The following E2F3 variants were observed in gnomAD, a reference collection of about 807,000 sequenced individuals.
The protein encoded by E2F3 is transcription factor E2F3.
A neutral mutation model predicts 44.4 loss-of-function variants in E2F3; 11 were observed. That is an observed-to-expected ratio of 0.25 (90% confidence interval 0.16 to 0.41). E2F3 has a LOEUF of 0.41. E2F3 is among the 10% of genes least tolerant of loss of function. The pLI, the probability that E2F3 is intolerant of heterozygous loss-of-function variation, is 1.00. For synonymous variants in E2F3, 249 were observed against 253.0 expected (o/e 0.98, Z 0.15); for missense variants, 487 against 583.6 (o/e 0.83, Z 1.70).
intron 1 of E2F3, among the ~76,000 whole-genome samples, chr6:20,436,025 G>T (rs1384122462): frequency 6.7e-6 from 1 of 148,722 alleles, no homozygotes; most frequent in African/African-American, 2.5e-5. Flanking sequence ...CTGTTGCCCA[G>T]GCTGGAGTGC....
rs779389567 is a variant in E2F3 at position 20,490,376 on chromosome 6, C to T, written c.1344C>T (p.Phe448=). The T allele has an allele frequency of 5.6e-6, 9 of 1,607,164 alleles. No homozygotes were observed. Among genetic ancestry groups the T allele is most frequent in the African/African-American group, 5.4e-5 (4 of 74,698 alleles). ...LGEEEGISDL[F]DAYDLEKLPL... The stretch of plus-strand genomic sequence containing the variant: ...AGGAGGAAGGCATCAGCGATCTCTT[C>T]GATGCTTACGATTTGGAAAAGCTCC... Residue 448 remains phenylalanine, a synonymous_variant, in exon 7 of 7, where the codon TTC becomes TTT. Coordinates refer to ENST00000346618, the MANE Select transcript of E2F3 (RefSeq NM_001949.5). The surrounding 1 kb of genome is among the most constrained non-coding windows in gnomAD (Gnocchi z 4.3).
chr6:20,402,290 GA>G lies in E2F3; in HGVS notation c.59del (p.Glu20GlyfsTer20), dbSNP rs746171529. ...GTACCTGGTGACCGCCGGGGGTGGGGAGGGGGCGGCTGTCGTCGCCGCCGCC... is the reference window on the plus strand; with the variant it reads ...GTACCTGGTGACCGCCGGGGGTGGGGGGGGGCGGCTGTCGTCGCCGCCGCC... ...EQYLVTAGGG[E>X]GAAVVAAAAA... On this transcript the variant is annotated frameshift_variant, in exon 1 of 7. Coordinates refer to ENST00000346618, the MANE Select transcript of E2F3 (RefSeq NM_001949.5). LOFTEE classifies it high-confidence loss of function. The surrounding 1 kb of genome is among the most constrained non-coding windows in gnomAD (Gnocchi z 5.6). 6.2e-7 allele frequency: 1 copy of G among 1,609,228 alleles called. No homozygotes were observed. Among genetic ancestry groups the G allele is most frequent in the South Asian group, 1.1e-5 (1 of 90,774 alleles).
At chr6:20,463,290 T>TA (rs1761587213) in intron 1 of E2F3, among the ~76,000 whole-genome samples, 1 of 152,160 alleles carries the variant, frequency 6.6e-6, no homozygotes, top group Non-Finnish European at 1.5e-5. Flanking sequence ...GGCACACACT[T>TA]AAAATCCCAG....
intron 1 of E2F3, among the ~76,000 whole-genome samples, chr6:20,417,859 C>T (rs190684768): frequency 1.6e-4 from 25 of 152,082 alleles, no homozygotes; most frequent in East Asian, 1.5e-3. Flanking sequence ...TGGTTCTATT[C>T]GAAAAATATC....
chr6:20,416,843 C>T (rs1219121750), intron 1 of E2F3, among the ~76,000 whole-genome samples: 1 of 152,130 alleles, frequency 6.6e-6, no homozygotes, highest in Non-Finnish European at 1.5e-5. Flanking sequence ...GTCTTAGGTA[C>T]ACCAAGACAC....
chr6:20,455,933 G>A (rs1225579475), intron 1 of E2F3, among the ~76,000 whole-genome samples: 1 of 152,174 alleles, frequency 6.6e-6, no homozygotes, highest in Non-Finnish European at 1.5e-5. Context: ...AAGGAGCTAG[G>A]CAAAGAGTGT....
At position 20,490,312 on chromosome 6, in the gene E2F3, C is replaced by T. The variant is rs1219314609; in HGVS notation, c.1280C>T (p.Pro427Leu). 2 of 1,614,160 alleles carry T rather than the reference C, an allele frequency of 1.2e-6. No individual in the cohort carries two copies. The highest frequency in any genetic ancestry group is 2.2e-5 in the South Asian group (2 of 91,080). ...GAAGGACCGTTTGTGAACTTACTGC[C>T]TCCCCTGCTGCAAGAGGACTATCTC... ...NLEGPFVNLL[P>L]PLLQEDYLLS... Residue 427 changes from proline to leucine, a missense_variant, in exon 7 of 7, where the codon CCT (proline) becomes CTT (leucine). Pro to Leu is a moderately conservative substitution (Grantham distance 98). Around this residue, in one of 3 missense-constraint regions of E2F3, gnomAD observed 220 missense variants for 261.7 expected, o/e 0.84. Coordinates refer to ENST00000346618, the MANE Select transcript of E2F3 (RefSeq NM_001949.5). This position sits in a 1 kb window ranked among gnomAD's most constrained non-coding sequence, Gnocchi z 4.3.
intron 1 of E2F3, among the ~76,000 whole-genome samples, chr6:20,428,886 A>G (rs572051146): frequency 6.6e-6 from 1 of 152,160 alleles, no homozygotes; most frequent in South Asian, 2.1e-4. Flanking sequence ...ATATTTTTAG[A>G]AATTTCTGGG....
chr6:20,438,192 T>G (rs974641241), intron 1 of E2F3, among the ~76,000 whole-genome samples: 1 of 152,194 alleles, frequency 6.6e-6, no homozygotes, highest in African/African-American at 2.4e-5. Context: ...CAATTTACCT[T>G]ACACAGTCGT....
intron 1 of E2F3, among the ~76,000 whole-genome samples, chr6:20,474,339 G>A (rs979235250): frequency 5.3e-5 from 8 of 152,170 alleles, no homozygotes; most frequent in African/African-American, 1.7e-4. Flanking sequence ...AGGTTTTAAC[G>A]TTAGCACATA....
At chr6:20,482,105 A>T (rs573273226) in intron 3 of E2F3, among the ~76,000 whole-genome samples, 1 of 152,304 alleles carries the variant, frequency 6.6e-6, no homozygotes, top group Non-Finnish European at 1.5e-5. Context: ...CTTTGAAAAG[A>T]TACTAATTCA....
chr6:20,421,055 C>T (rs572413895), intron 1 of E2F3, among the ~76,000 whole-genome samples: 8 of 152,298 alleles, frequency 5.3e-5, no homozygotes, highest in African/African-American at 1.4e-4. Flanking sequence ...TTTGCTTATC[C>T]GTAAGAAGCA....
At chr6:20,450,804 T>G (rs1232666669) in intron 1 of E2F3, among the ~76,000 whole-genome samples, 1 of 152,242 alleles carries the variant, frequency 6.6e-6, no homozygotes, top group Non-Finnish European at 1.5e-5. Flanking sequence ...GATTTTTATA[T>G]ATGGTATAAC....
chr6:20,483,629 G>A (rs1221943516), intron 4 of E2F3, among the ~76,000 whole-genome samples: 1 of 152,100 alleles, frequency 6.6e-6, no homozygotes, highest in Admixed American at 6.5e-5. Flanking sequence ...ATCTATTGAC[G>A]ATCTCAGGAA....
chr6:20,455,113 G>A (rs1317199150), intron 1 of E2F3, among the ~76,000 whole-genome samples: 1 of 152,208 alleles, frequency 6.6e-6, no homozygotes, highest in Non-Finnish European at 1.5e-5. Flanking sequence ...AATATCAAAT[G>A]CAAGAAAATG....
chr6:20,453,865 A>C (rs967772212), intron 1 of E2F3, among the ~76,000 whole-genome samples: 1 of 152,160 alleles, frequency 6.6e-6, no homozygotes, highest in Non-Finnish European at 1.5e-5. Context: ...GTGGGTCACC[A>C]TTTTTTGGAA....
At position 20,407,365 on chromosome 6, in the gene E2F3, G is replaced by A. The variant is rs376257408; in HGVS notation, c.393+4740G>A. On this transcript the variant is annotated intron_variant, in intron 1 of 6. Transcript: ENST00000346618. ...ACAAAGCACCCTTAAATATGGCACT[G>A]TGGGCTGAAGAACTCCACCTTGTGA... 3.9e-5 allele frequency among the ~76,000 whole-genome samples: 6 copies of A among 152,304 alleles called. No homozygotes were observed. The East Asian group carries it at 9.6e-4, about 24-fold the overall frequency.
chr6:20,439,997 G>A (rs1407367200), intron 1 of E2F3: 2 of 152,192 alleles, frequency 1.3e-5, no homozygotes, highest in East Asian at 1.9e-4. Flanking sequence ...GAAAGCAATG[G>A]CGCCACAACC....
chr6:20,490,498 G>A lies in E2F3; in HGVS notation c.*68G>A. 6.8e-7 allele frequency: 1 copy of A among 1,476,530 alleles called. No individual in the cohort carries two copies. Among genetic ancestry groups the A allele is most frequent in the Non-Finnish European group, 9.1e-7 (1 of 1,100,868 alleles). The allele number at this position is 1,476,530 out of a possible 1,614,324, so 91.5% of individuals were successfully genotyped here. A position where few individuals can be genotyped will look rare whatever the true frequency, so the allele number is the denominator to read the frequency against. ...ATCATGGAACCAGAACATCTGTCATGCAGTGTTGTCCCTTCCTACCTTCTT... is the reference window on the plus strand; with the variant it reads ...ATCATGGAACCAGAACATCTGTCATACAGTGTTGTCCCTTCCTACCTTCTT... On this transcript the variant is annotated 3_prime_UTR_variant, in exon 7 of 7. Transcript: ENST00000346618. The surrounding 1 kb of genome is among the most constrained non-coding windows in gnomAD (Gnocchi z 4.3).
Sources: allele counts gnomAD v4.1 joint callset (sites outside exome capture counted in the v4.1 genomes callset), GRCh38; gene constraint gnomAD v4.1.1; regional missense constraint gnomAD v4.1.1; non-coding constraint Gnocchi (gnomAD v3.1); transcripts MANE v1.5; gene names NCBI Gene and HGNC (gene_info 2026-07-23, HGNC 2026-07-21).